Variants in COL4A6 observed in about 807,000 individuals in gnomAD.
The protein encoded by COL4A6 is collagen alpha-6(IV) chain.
Under a neutral mutation model 126.7 loss-of-function variants are expected in COL4A6, and 59 were observed. The ratio of observed to expected loss-of-function variants is 0.47; its 90% CI spans 0.38 to 0.58. COL4A6 has a LOEUF of 0.58. Ranked by LOEUF, COL4A6 falls within the 20% of genes least tolerant of loss-of-function variation. The pLI is 0.00. For missense variants in COL4A6, 1,285 were observed against 1,337.3 expected, an observed-to-expected ratio of 0.96 and a Z score of 0.61; for synonymous variants, 547 against 496.6, an observed-to-expected ratio of 1.10 and a Z score of -1.35.
At chrX:108,413,559 C>G (rs757533299) in intron 2 of COL4A6, among the ~76,000 whole-genome samples, 177 of 111,507 alleles carry the variant, frequency 1.6e-3, no homozygotes, top group African/African-American at 5.6e-3. Flanking sequence ...CCCAGGTTCA[C>G]GCCATTCTCC....
chrX:108,310,062 A>G (rs2038725312), intron 3 of COL4A6, among the ~76,000 whole-genome samples: 1 of 111,097 alleles, frequency 9.0e-6, no homozygotes, highest in Non-Finnish European at 1.9e-5. Context: ...ATAAAAATGC[A>G]TTTATTTCAG....
intron 3 of COL4A6, among the ~76,000 whole-genome samples, chrX:108,284,310 G>T (rs1233828053): frequency 1.9e-5 from 2 of 107,647 alleles, no homozygotes; most frequent in Admixed American, 2.0e-4. Flanking sequence ...GGGCCTGTCG[G>T]GGGCTGGGGG....
chrX:108,308,848 A>G (rs1007623107), intron 3 of COL4A6, among the ~76,000 whole-genome samples: 8 of 111,745 alleles, frequency 7.2e-5, no homozygotes, highest in Non-Finnish European at 1.1e-4. Flanking sequence ...TTGAGCTAGT[A>G]TCTATGCTTG....
intron 3 of COL4A6, among the ~76,000 whole-genome samples, chrX:108,267,101 T>C (rs1569393783): frequency 8.9e-6 from 1 of 112,143 alleles, no homozygotes; most frequent in East Asian, 2.8e-4. Context: ...CATTCCTTTG[T>C]ATTTTCTAGC....
intron 2 of COL4A6, among the ~76,000 whole-genome samples, chrX:108,413,346 GC>G (rs2041366741): frequency 8.9e-6 from 1 of 112,140 alleles, no homozygotes; most frequent in South Asian, 3.7e-4. Flanking sequence ...CATAACACTG[GC>G]GTCTAGTGTC....
chrX:108,248,163 A>G (rs2036761585), intron 3 of COL4A6, among the ~76,000 whole-genome samples: 1 of 111,589 alleles, frequency 9.0e-6, no homozygotes, highest in African/African-American at 3.3e-5. Flanking sequence ...TGTTCATTGT[A>G]TTACATCATC....
intron 13 of COL4A6, among the ~76,000 whole-genome samples, chrX:108,201,781 C>T (rs193166242): frequency 2.7e-5 from 3 of 111,688 alleles, no homozygotes; most frequent in Non-Finnish European, 3.8e-5. Context: ...CATCTCTTGC[C>T]TGGACTACTG....
intron 2 of COL4A6, among the ~76,000 whole-genome samples, chrX:108,315,820 T>C (rs1311027362): frequency 8.9e-6 from 1 of 111,950 alleles, no homozygotes; most frequent in Non-Finnish European, 1.9e-5. Flanking sequence ...TTTTACTCAA[T>C]TTGATTCTGC....
intron 2 of COL4A6, among the ~76,000 whole-genome samples, chrX:108,322,991 A>T (rs1363693304): frequency 8.9e-6 from 1 of 112,183 alleles, no homozygotes; most frequent in Non-Finnish European, 1.9e-5. Context: ...TTGTGTGACA[A>T]ATTCAGTTAT....
chrX:108,352,628 A>T (rs771988116), intron 2 of COL4A6, among the ~76,000 whole-genome samples: 1 of 112,581 alleles, frequency 8.9e-6, no homozygotes, highest in Non-Finnish European at 1.9e-5. Context: ...AAACCTATAC[A>T]CATCTATGGA....
chrX:108,298,403 C>T (rs1324367448), intron 3 of COL4A6, among the ~76,000 whole-genome samples: 2 of 112,513 alleles, frequency 1.8e-5, no homozygotes, highest in East Asian at 5.7e-4. Flanking sequence ...GCAGCCTGGG[C>T]TGGCAGGGGG....
chrX:108,396,031 C>T (rs1355498288), intron 2 of COL4A6, among the ~76,000 whole-genome samples: 1 of 110,792 alleles, frequency 9.0e-6, no homozygotes, highest in Non-Finnish European at 1.9e-5. Flanking sequence ...TCCTTTTTCA[C>T]GGTACCCTCC....
chrX:108,241,167 G>T (rs1333615548), intron 3 of COL4A6, among the ~76,000 whole-genome samples: 1 of 110,679 alleles, frequency 9.0e-6, no homozygotes, highest in Admixed American at 9.7e-5. Flanking sequence ...TAATATAAAT[G>T]TATATAAAAC....
intron 2 of COL4A6, among the ~76,000 whole-genome samples, chrX:108,409,100 G>T (rs1347809509): frequency 8.9e-6 from 1 of 112,573 alleles, no homozygotes; most frequent in Non-Finnish European, 1.9e-5. Context: ...TGAAGGAGTA[G>T]ATTCAGAAGT....
intron 2 of COL4A6, among the ~76,000 whole-genome samples, chrX:108,323,681 A>G (rs1005564820): frequency 9.0e-6 from 1 of 111,585 alleles, no homozygotes; most frequent in African/African-American, 3.3e-5. Context: ...TTTTGTAAAA[A>G]CTTTACTGAG....
intron 3 of COL4A6, among the ~76,000 whole-genome samples, chrX:108,305,314 C>T (rs769137980): frequency 4.5e-4 from 51 of 112,092 alleles, no homozygotes; most frequent in African/African-American, 1.6e-3. Context: ...TCAGTGAACT[C>T]ATATGTTTTT....
chrX:108,278,642 T>C (rs369280464), intron 3 of COL4A6, among the ~76,000 whole-genome samples: 10 of 108,801 alleles, frequency 9.2e-5, no homozygotes, highest in African/African-American at 2.3e-4. Flanking sequence ...ATACAGAGAA[T>C]GCCACAAAGA....
intron 37 of COL4A6, among the ~76,000 whole-genome samples, chrX:108,165,951 G>A (rs936911068): frequency 6.2e-5 from 7 of 112,791 alleles, no homozygotes; most frequent in African/African-American, 1.9e-4. Flanking sequence ...ACACCAGGCC[G>A]ATCAGAATGG....
intron 2 of COL4A6, among the ~76,000 whole-genome samples, chrX:108,428,211 G>A (rs938163897): frequency 1.8e-5 from 2 of 111,533 alleles, no homozygotes; most frequent in Non-Finnish European, 3.8e-5. Context: ...TTTTAAGAAA[G>A]TTTACCAATT....
Sources: allele counts gnomAD v4.1 joint callset (sites outside exome capture counted in the v4.1 genomes callset), GRCh38; gene constraint gnomAD v4.1.1; transcripts MANE v1.5; gene names NCBI Gene and HGNC (gene_info 2026-07-23, HGNC 2026-07-21).